Variants in AGA observed in about 807,000 individuals in gnomAD.
AGA encodes aspartylglucosaminidase.
AGA carries 31 observed loss-of-function variants against 40.1 expected under a neutral mutation model. That is an observed-to-expected ratio of 0.77 (90% CI 0.58 to 1.04). The LOEUF (loss-of-function observed/expected upper bound fraction) is 1.04, where lower values mean the gene tolerates loss of function less well. AGA is among the 50% of genes least tolerant of loss of function. The pLI is 0.00. For missense variants in AGA, 445 were observed against 435.4 expected (o/e 1.02, Z -0.20); for synonymous variants, 148 against 144.0 (o/e 1.03, Z -0.20).
intron 7 of AGA, among the ~76,000 whole-genome samples, 184 bp from the exon 8 acceptor site, chr4:177,433,531 A>G (rs913326304): frequency 1.3e-5 from 2 of 152,248 alleles, no homozygotes; most frequent in African/African-American, 4.8e-5. Flanking sequence ...TACAGAGTCT[A>G]TCTTTTCAAC....
intron 8 of AGA, among the ~76,000 whole-genome samples, chr4:177,432,682 A>C (rs1402287987): frequency 6.6e-6 from 1 of 152,176 alleles, no homozygotes; most frequent in Non-Finnish European, 1.5e-5. Flanking sequence ...TGATCTTAAA[A>C]TGCTTTGAAA....
chr4:177,434,297 C>T, intron 7 of AGA, 85 bp downstream of exon 7: 2 of 1,306,060 alleles, frequency 1.5e-6, no homozygotes, highest in South Asian at 2.4e-5. Flanking sequence ...GCCACTGCAC[C>T]CAGCCTCAAA....
At position 177,431,664 on chromosome 4, in the gene AGA, T is replaced by C; in HGVS notation, c.*44A>G. 1.3e-6 allele frequency: 2 copies of C among 1,516,634 alleles called. No homozygotes were observed. The highest frequency in any genetic ancestry group is 1.8e-6 in the Non-Finnish European group (2 of 1,093,590). The allele number at this position is 1,516,634 out of a possible 1,614,324, so 93.9% of individuals were successfully genotyped here. On this transcript the variant is annotated 3_prime_UTR_variant, in exon 9 of 9. Transcript: ENST00000264595. ...GAGAGTGAGCAGCCTTTTCAGCCTT[T>C]GTTTCTTTCTTCTTTAAATACAGAT...
intron 6 of AGA, 89 bp downstream of exon 6, chr4:177,436,187 G>T: frequency 9.7e-7 from 1 of 1,036,218 alleles, no homozygotes; most frequent in Non-Finnish European, 1.5e-6. Flanking sequence ...TGAGACTAGG[G>T]CTGTGCTTTG....
rs1560952259 is a variant in AGA at position 177,442,256 on chromosome 4, G to T, written c.120C>A (p.Thr40=). The T allele has an allele frequency of 6.2e-7, 1 of 1,613,886 alleles. No individual in the cohort carries two copies. The highest frequency in any genetic ancestry group is 1.7e-5 in the Admixed American group (1 of 60,016). ...CAGGCCGCCAACCCGCACCTGCTTC[G>T]GTTGCATTCTTAAAGGGCCAAGTGT... is the stretch of plus-strand genomic sequence containing the variant. ...VVNTWPFKNA[T]EAAWRALASG... is the part of the protein sequence containing the mutation. Residue 40 remains threonine, a synonymous_variant, in exon 1 of 9, where the codon ACC becomes ACA. Coordinates refer to ENST00000264595, the MANE Select transcript of AGA (RefSeq NM_000027.4).
intron 1 of AGA, among the ~76,000 whole-genome samples, chr4:177,441,315 C>A (rs1190308807): frequency 6.6e-6 from 1 of 152,176 alleles, no homozygotes; most frequent in African/African-American, 2.4e-5. Context: ...TCTTCATTTT[C>A]TCTGAATCGT....
intron 5 of AGA, among the ~76,000 whole-genome samples, chr4:177,436,634 C>T (rs906285764): frequency 5.9e-5 from 9 of 152,192 alleles, no homozygotes; most frequent in Admixed American, 3.3e-4. Context: ...AGCAAGAAGA[C>T]GCCATCCATG....
In AGA at chr4:177,438,812, G is replaced by T; in HGVS notation, c.440C>A (p.Ser147Tyr). ...ATGAAGAGCTTGAGAAGCAGTGGTAGATAAGTCTTCATTGATAAACCCCAT... is the reference window on the plus strand; with the variant it reads ...ATGAAGAGCTTGAGAAGCAGTGGTATATAAGTCTTCATTGATAAACCCCAT... ...QSMGFINEDL[S>Y]TTASQALHSD... Residue 147 changes from serine to tyrosine, a missense_variant, in exon 4 of 9, where the codon TCT (serine) becomes TAT (tyrosine). By Grantham distance (144) the Ser-to-Tyr change is moderately radical (BLOSUM62 -2). Transcript: ENST00000264595. 6.2e-7 allele frequency: 1 copy of T among 1,610,872 alleles called. No individual in the cohort carries two copies. Among genetic ancestry groups the T allele is most frequent in the Non-Finnish European group, 8.5e-7 (1 of 1,177,030 alleles).
chr4:177,438,699 G>T, intron 4 of AGA, 46 bp downstream of exon 4: 2 of 1,294,464 alleles, frequency 1.5e-6, no homozygotes, highest in African/African-American at 1.5e-5. Context: ...GGATGTCACT[G>T]AATATTTTCA....
At chr4:177,432,062 A>T (rs548458346) in intron 8 of AGA, among the ~76,000 whole-genome samples, 1 of 152,186 alleles carries the variant, frequency 6.6e-6, no homozygotes, top group Non-Finnish European at 1.5e-5. Context: ...ATCTATACAC[A>T]TGCTGTCACT....
At position 177,441,005 on chromosome 4, in the gene AGA, A is replaced by G. The variant is rs1235168399; in HGVS notation, c.128-579T>C. Reference sequence around the variant, plus strand: ...TTTAAAGAAAAGTAAACAGAGCCACAGGTCAGGCAGTTAGTTTAAGGTCAC... The same window carrying G: ...TTTAAAGAAAAGTAAACAGAGCCACGGGTCAGGCAGTTAGTTTAAGGTCAC... On this transcript the variant is annotated intron_variant, in intron 1 of 8. Transcript: ENST00000264595. Among the ~76,000 whole-genome samples the G allele has an allele frequency of 2.6e-5, 4 of 152,180 alleles. No individual in the cohort carries two copies. The East Asian group carries it at 7.7e-4, about 29-fold the overall frequency.
intron 8 of AGA, 107 bp from the exon 9 acceptor site, chr4:177,431,915 T>C: frequency 1.1e-6 from 1 of 903,586 alleles, no homozygotes; most frequent in Non-Finnish European, 1.8e-6. Context: ...GTATACCTTA[T>C]GTCTAAGCCA....
chr4:177,432,421 C>T (rs1267618200), intron 8 of AGA, among the ~76,000 whole-genome samples: 1 of 152,184 alleles, frequency 6.6e-6, no homozygotes, highest in South Asian at 2.1e-4. Flanking sequence ...AGGTTTATTT[C>T]TTAAGAGGGA....
At position 177,430,903 on chromosome 4, in the gene AGA, A is replaced by C. The variant is rs908516266; in HGVS notation, c.*805T>G. On this transcript the variant is annotated 3_prime_UTR_variant, in exon 9 of 9. Coordinates refer to ENST00000264595, the MANE Select transcript of AGA (RefSeq NM_000027.4). Reference sequence around the variant, plus strand: ...TCATACAGAGAGTTAATCAGAAGTTAGGGAAACAAACCAAGCTAAACAACC... The same window carrying C: ...TCATACAGAGAGTTAATCAGAAGTTCGGGAAACAAACCAAGCTAAACAACC... The C allele has an allele frequency of 2.2e-6, 1 of 454,024 alleles. No homozygotes were observed. The highest frequency in any genetic ancestry group is 2.0e-5 in the African/African-American group (1 of 50,018). The allele number at this position is 454,024 out of a possible 1,614,324, so 28.1% of individuals were successfully genotyped here.
intron 5 of AGA, 150 bp from the exon 6 acceptor site, chr4:177,436,501 A>C: frequency 1.4e-6 from 1 of 719,712 alleles, no homozygotes; most frequent in South Asian, 1.6e-5. Flanking sequence ...AGGTGATGGT[A>C]TCAAGAGGTG....
In AGA at chr4:177,433,354, G is replaced by A; in HGVS notation, c.807-7C>T. The A allele has an allele frequency of 1.2e-6, 2 of 1,613,974 alleles. No individual in the cohort carries two copies. The highest frequency in any genetic ancestry group is 1.1e-5 in the South Asian group (1 of 91,080). ...GTATTCTACAGCTTGGTAGCTGATT[G>A]AAACAGAGGTGAAACCTTAGTGTCT... On this transcript the variant is annotated splice_region_variant and splice_polypyrimidine_tract_variant and intron_variant, in intron 7 of 8. Coordinates refer to ENST00000264595, the MANE Select transcript of AGA (RefSeq NM_000027.4).
At chr4:177,433,464 A>G (rs1249690347) in intron 7 of AGA, 117 bp from the exon 8 acceptor site, 32 of 1,182,610 alleles carry the variant, frequency 2.7e-5, no homozygotes, top group Non-Finnish European at 3.2e-5. Context: ...GAATACACAT[A>G]AATGAACAAG....
In AGA at chr4:177,431,701, A is replaced by C; in HGVS notation, c.*7T>G. ...CTTTAAATACAGATGTTGACAGTAAAGATGGATTAGATGCAGTCCACTTTT... is the reference window on the plus strand; with the variant it reads ...CTTTAAATACAGATGTTGACAGTAACGATGGATTAGATGCAGTCCACTTTT... On this transcript the variant is annotated 3_prime_UTR_variant, in exon 9 of 9. Transcript: ENST00000264595. 1 of 1,599,814 alleles carries C rather than the reference A, an allele frequency of 6.3e-7. No homozygotes were observed.
rs749363479 is a variant in AGA, at chr4:177,437,383, A to G, written c.622+22T>C. 36 of 1,508,796 alleles carry G rather than the reference A, an allele frequency of 2.4e-5. 1 individual carries two copies. The Admixed American group carries it at 6.0e-4, about 25-fold the overall frequency. The allele number at this position is 1,508,796 out of a possible 1,614,324, so 93.5% of individuals were successfully genotyped here. On this transcript the variant is annotated intron_variant, in intron 5 of 8. Transcript: ENST00000264595. The stretch of plus-strand genomic sequence containing the variant: ...TAATTAACTAAACTTTATCCATAAA[A>G]ACTGCACAAAAGGCAAATTACCAAT...
Sources: allele counts gnomAD v4.1 joint callset (sites outside exome capture counted in the v4.1 genomes callset), GRCh38; gene constraint gnomAD v4.1.1; transcripts MANE v1.5; gene names NCBI Gene and HGNC (gene_info 2026-07-23, HGNC 2026-07-21).